MYT1L: variants seen among roughly 807,000 people sequenced by gnomAD.
MYT1L encodes myelin transcription factor 1 like.
Under a neutral mutation model 126.7 loss-of-function variants are expected in MYT1L, and 12 were observed. The ratio of observed to expected loss-of-function variants is 0.09; its 90% CI spans 0.06 to 0.15. MYT1L has a LOEUF of 0.15. Ranked by LOEUF, MYT1L falls within the 10% of genes least tolerant of loss-of-function variation. The probability of loss-of-function intolerance (pLI) is 1.00; values close to 1 mark genes in which losing one functional copy is unlikely to be tolerated. For synonymous variants in MYT1L, 541 were observed against 604.2 expected (o/e 0.90, Z 1.53); for missense variants, 979 against 1,585.2 (o/e 0.62, Z 6.49).
chr2:1,982,127 A>T lies in MYT1L; in HGVS notation c.1-2350T>A, dbSNP rs2149505075. 2.0e-5 allele frequency among the ~76,000 whole-genome samples: 3 copies of T among 152,340 alleles called. No homozygotes were observed. The South Asian group carries it at 6.2e-4, about 32-fold the overall frequency. ...ATGAAAACACTTCAAAACACCAGAA[A>T]ATTCTAGCAAAGTGATCTAGGGCCA... On this transcript the variant is annotated intron_variant, in intron 5 of 24. Transcript: ENST00000647738.
chr2:2,153,542 A>T (rs2086184943), intron 3 of MYT1L, among the ~76,000 whole-genome samples: 1 of 152,154 alleles, frequency 6.6e-6, no homozygotes, highest in Non-Finnish European at 1.5e-5. Flanking sequence ...GGAGGAAGGC[A>T]GAGGCTGGGG....
intron 1 of MYT1L, among the ~76,000 whole-genome samples, chr2:2,319,709 A>G (rs1216289170): frequency 6.6e-6 from 1 of 152,086 alleles, no homozygotes; most frequent in Non-Finnish European, 1.5e-5. Flanking sequence ...AATGCATTCA[A>G]GAAAAGTAAA....
rs1029939361 is a variant in MYT1L, at chr2:2,228,386, G to A, written c.-420-55398C>T. ...TAGCCACATGGTTACTTACCATTGTGTTAGATTTTGAATACTGTAGTGAAT... is the reference window on the plus strand; with the variant it reads ...TAGCCACATGGTTACTTACCATTGTATTAGATTTTGAATACTGTAGTGAAT... On this transcript the variant is annotated intron_variant, in intron 2 of 24. Transcript: ENST00000647738. The surrounding 1 kb of genome is among the most constrained non-coding windows in gnomAD (Gnocchi z 5.9). Among the ~76,000 whole-genome samples the A allele has an allele frequency of 6.6e-6, 1 of 152,148 alleles. No homozygotes were observed. The highest frequency in any genetic ancestry group is 2.4e-5 in the African/African-American group (1 of 41,436).
chr2:2,118,056 A>G (rs1224866037), intron 3 of MYT1L, among the ~76,000 whole-genome samples: 1 of 150,738 alleles, frequency 6.6e-6, no homozygotes, highest in Non-Finnish European at 1.5e-5. Flanking sequence ...TCAGGGTTTT[A>G]TTCTATATTT....
intron 14 of MYT1L, among the ~76,000 whole-genome samples, chr2:1,897,068 A>G (rs1004645825): frequency 1.3e-5 from 2 of 152,230 alleles, no homozygotes; most frequent in Non-Finnish European, 2.9e-5. Flanking sequence ...CTATCAACTC[A>G]CTGCACTCAA....
intron 9 of MYT1L, among the ~76,000 whole-genome samples, chr2:1,924,276 A>C (rs1253910573): frequency 1.3e-5 from 2 of 152,326 alleles, no homozygotes; most frequent in East Asian, 3.9e-4. Context: ...TTGTACCTCT[A>C]ATCACCATGC....
intron 3 of MYT1L, among the ~76,000 whole-genome samples, chr2:2,149,260 A>C (rs1254525961): frequency 6.6e-6 from 1 of 152,222 alleles, no homozygotes; most frequent in Non-Finnish European, 1.5e-5. Flanking sequence ...TTTAATGGAA[A>C]AGTGTCTTTA....
chr2:2,193,733 G>A (rs1013168310), intron 2 of MYT1L, among the ~76,000 whole-genome samples: 3 of 152,156 alleles, frequency 2.0e-5, no homozygotes, highest in Non-Finnish European at 4.4e-5. Flanking sequence ...ATCAGATTTG[G>A]ATAGCTAGGC....
intron 9 of MYT1L, among the ~76,000 whole-genome samples, chr2:1,936,001 C>T (rs2055830023): frequency 6.6e-6 from 1 of 152,206 alleles, no homozygotes; most frequent in Non-Finnish European, 1.5e-5. Flanking sequence ...TCACAGCAAC[C>T]TCCGCCTCCC....
chr2:2,257,507 C>T (rs6706456), intron 2 of MYT1L, among the ~76,000 whole-genome samples: 152,302 of 152,302 alleles, frequency 1, 76,151 homozygotes, highest in Non-Finnish European at 1. Context: ...GAAAACCTTA[C>T]CAGACAGGAA....
intron 23 of MYT1L, among the ~76,000 whole-genome samples, chr2:1,796,358 G>A (rs1269737997): frequency 6.6e-6 from 1 of 152,230 alleles, no homozygotes. Flanking sequence ...GTAACCCCAA[G>A]GAAAGTGTCC....
chr2:2,180,362 TAAAAA>T (rs567729988), intron 2 of MYT1L, among the ~76,000 whole-genome samples: 3 of 139,338 alleles, frequency 2.2e-5, no homozygotes, highest in Non-Finnish European at 4.7e-5. Context: ...CATAAGCTCT[TAAAAA>T]AAAAAAAAAC....
rs1486751488 is a variant in MYT1L, at chr2:1,897,402, A to G, written c.2033-5115T>C. On this transcript the variant is annotated intron_variant, in intron 14 of 24. Coordinates refer to ENST00000647738, the MANE Select transcript of MYT1L (RefSeq NM_001303052.2). ...AGAGGATGCTTGGTCTGATGAGAGC[A>G]GTTTCACAATGACAGAATGCACTTT... Among the ~76,000 whole-genome samples the G allele has an allele frequency of 2.6e-5, 4 of 152,064 alleles. No individual in the cohort carries two copies. The East Asian group carries it at 7.7e-4, about 29-fold the overall frequency.
chr2:2,142,638 A>G (rs1471217362), intron 3 of MYT1L, among the ~76,000 whole-genome samples: 1 of 152,146 alleles, frequency 6.6e-6, no homozygotes, highest in Non-Finnish European at 1.5e-5. Flanking sequence ...TTCTGTTCCC[A>G]CTGCCTTGTG....
At chr2:1,798,467 C>A (rs1040057474) in intron 23 of MYT1L, among the ~76,000 whole-genome samples, 1 of 152,228 alleles carries the variant, frequency 6.6e-6, no homozygotes, top group Non-Finnish European at 1.5e-5. Flanking sequence ...GAACATCAGG[C>A]CGTGGGCACC....
chr2:1,917,422 T>G lies in MYT1L; in HGVS notation c.1484-83A>C. ...ATTATTTCACAATCTGAAGAAACCT[T>G]GCTAAAGAAAGAAATAAAGCAGGTG... On this transcript the variant is annotated intron_variant, in intron 10 of 24. Coordinates refer to ENST00000647738, the MANE Select transcript of MYT1L (RefSeq NM_001303052.2). The surrounding 1 kb of genome is among the most constrained non-coding windows in gnomAD (Gnocchi z 5.9). 1 of 1,483,688 alleles carries G rather than the reference T, an allele frequency of 6.7e-7. No homozygotes were observed. Among genetic ancestry groups the G allele is most frequent in the Non-Finnish European group, 9.1e-7 (1 of 1,096,712 alleles). The allele number at this position is 1,483,688 out of a possible 1,614,324, so 91.9% of individuals were successfully genotyped here.
At chr2:1,984,758 C>G (rs936084849) in intron 5 of MYT1L, among the ~76,000 whole-genome samples, 13 of 152,084 alleles carry the variant, frequency 8.5e-5, no homozygotes, top group Middle Eastern at 3.2e-3. Flanking sequence ...ATCCACCTGC[C>G]TCAGCCTCCC....
At chr2:2,058,706 A>G (rs1195685203) in intron 3 of MYT1L, among the ~76,000 whole-genome samples, 1 of 152,254 alleles carries the variant, frequency 6.6e-6, no homozygotes, top group East Asian at 1.9e-4. Flanking sequence ...TGATAACAGT[A>G]GTAAAAGTGG....
intron 4 of MYT1L, among the ~76,000 whole-genome samples, chr2:2,034,210 G>T (rs1411977273): frequency 6.6e-6 from 1 of 152,176 alleles, no homozygotes; most frequent in Non-Finnish European, 1.5e-5. Flanking sequence ...TATCCTCAAA[G>T]TTATGTCCAG....
Sources: allele counts gnomAD v4.1 joint callset (sites outside exome capture counted in the v4.1 genomes callset), GRCh38; gene constraint gnomAD v4.1.1; non-coding constraint Gnocchi (gnomAD v3.1); transcripts MANE v1.5; gene names NCBI Gene and HGNC (gene_info 2026-07-23, HGNC 2026-07-21).